NEK7: variants seen among roughly 807,000 people sequenced by gnomAD.
The protein encoded by NEK7 is NIMA related kinase 7.
A neutral mutation model predicts 44.6 loss-of-function variants in NEK7; 18 were observed. That is an observed-to-expected ratio of 0.40 (90% CI 0.28 to 0.60). NEK7 has a LOEUF of 0.60. Ranked by LOEUF, NEK7 falls within the 20% of genes least tolerant of loss-of-function variation. The pLI is 0.38. For missense variants in NEK7, 256 were observed against 366.5 expected, an observed-to-expected ratio of 0.70 and a Z score of 2.46; for synonymous variants, 130 against 121.1, an observed-to-expected ratio of 1.07 and a Z score of -0.48.
At chr1:198,252,637 T>A (rs1653095529) in intron 2 of NEK7, among the ~76,000 whole-genome samples, 2 of 143,380 alleles carry the variant, frequency 1.4e-5, no homozygotes, top group South Asian at 4.3e-4. Flanking sequence ...GTATGTTTTA[T>A]ATATTAAAAC....
intron 2 of NEK7, among the ~76,000 whole-genome samples, chr1:198,245,622 G>T (rs1666815333): frequency 6.6e-6 from 1 of 152,238 alleles, no homozygotes; most frequent in African/African-American, 2.4e-5. Flanking sequence ...GCAGCTGATG[G>T]AGGGGGCCAT....
intron 7 of NEK7, among the ~76,000 whole-genome samples, chr1:198,287,078 G>C (rs6682800): frequency 0.14 from 21,042 of 152,210 alleles, 2,142 homozygotes; most frequent in East Asian, 0.58. Flanking sequence ...ATTTCTGCCT[G>C]TAACGCCATT....
intron 1 of NEK7, among the ~76,000 whole-genome samples, chr1:198,215,026 T>C (rs913319677): frequency 1.3e-5 from 2 of 152,190 alleles, no homozygotes; most frequent in African/African-American, 4.8e-5. Context: ...TTCCTATCTT[T>C]AGTCTCCTTA....
chr1:198,225,463 G>T (rs918603737), intron 1 of NEK7, among the ~76,000 whole-genome samples: 2 of 152,076 alleles, frequency 1.3e-5, no homozygotes, highest in African/African-American at 4.8e-5. Context: ...GCAGTAGCCT[G>T]TTAACTGGCT....
At chr1:198,261,751 G>T (rs996295625) in intron 3 of NEK7, among the ~76,000 whole-genome samples, 2 of 151,814 alleles carry the variant, frequency 1.3e-5, no homozygotes, top group African/African-American at 4.8e-5. Context: ...AGAGACACAT[G>T]AAATATCTTT....
chr1:198,164,679 A>C (rs1664212783), intron 1 of NEK7, among the ~76,000 whole-genome samples: 1 of 152,166 alleles, frequency 6.6e-6, no homozygotes, highest in South Asian at 2.1e-4. Flanking sequence ...AGCAGTTCAT[A>C]ATATTTTTGC....
chr1:198,186,691 G>A (rs1158743122), intron 1 of NEK7, among the ~76,000 whole-genome samples: 1 of 152,150 alleles, frequency 6.6e-6, no homozygotes, highest in Non-Finnish European at 1.5e-5. Flanking sequence ...CACCCCATCA[G>A]CAATTCAGAT....
In NEK7 at chr1:198,315,674, A is replaced by T. The variant is rs1655348071; in HGVS notation, c.799-3738A>T. Among the ~76,000 whole-genome samples, 2 of 152,198 alleles carry T rather than the reference A, an allele frequency of 1.3e-5. 1 individual carries two copies. Among genetic ancestry groups the T allele is most frequent in the South Asian group, 4.1e-4 (2 of 4,830 alleles). On this transcript the variant is annotated intron_variant, in intron 9 of 9. Transcript: ENST00000367385. ...GTTTAAGGAGCCTGAGACCAATAGG[A>T]CTGGTTGCTGACGGTTAGGCAGGTG...
At position 198,173,851 on chromosome 1, in the gene NEK7, T is replaced by G. The variant is rs1664524522; in HGVS notation, c.-29+16575T>G. Among the ~76,000 whole-genome samples the G allele has an allele frequency of 1.3e-5, 2 of 152,236 alleles. 1 individual carries two copies. The highest frequency in any genetic ancestry group is 4.1e-4 in the South Asian group (2 of 4,836). On this transcript the variant is annotated intron_variant, in intron 1 of 9. Coordinates refer to ENST00000367385, the MANE Select transcript of NEK7 (RefSeq NM_133494.3). ...TAGCTTTATCAGCATAACATTATGT[T>G]ATTCCTGCTTTTAATTTTTCTTATT...
chr1:198,188,403 G>A lies in NEK7; in HGVS notation c.-29+31127G>A, dbSNP rs115295047. Among the ~76,000 whole-genome samples the A allele has an allele frequency of 3.6e-3, 541 of 152,294 alleles. 2 individuals are homozygous for A. Among genetic ancestry groups the A allele is most frequent in the African/African-American group, 0.012 (495 of 41,568 alleles). On this transcript the variant is annotated intron_variant, in intron 1 of 9. Transcript: ENST00000367385. ...ACCAGTTTTCTTGCCTATAAGTTCAGTGGAGAGAAGTGATGGCCCTTCATG... is the reference window on the plus strand; with the variant it reads ...ACCAGTTTTCTTGCCTATAAGTTCAATGGAGAGAAGTGATGGCCCTTCATG...
chr1:198,301,286 C>T (rs12091828), intron 9 of NEK7, among the ~76,000 whole-genome samples: 22,340 of 152,238 alleles, frequency 0.15, 1,874 homozygotes, highest in East Asian at 0.4. Flanking sequence ...CGCTGTGGCT[C>T]ACGCCTGTAG....
At chr1:198,259,901 A>G (rs1653399498) in intron 3 of NEK7, among the ~76,000 whole-genome samples, 1 of 152,238 alleles carries the variant, frequency 6.6e-6, no homozygotes, top group South Asian at 2.1e-4. Flanking sequence ...CCAGCCAGCC[A>G]TGCTCACCCC....
chr1:198,205,422 C>T (rs527326794), intron 1 of NEK7, among the ~76,000 whole-genome samples: 167 of 152,206 alleles, frequency 1.1e-3, no homozygotes, highest in Non-Finnish European at 1.8e-3. Flanking sequence ...TTCAGACTTA[C>T]CTAATCATAA....
At chr1:198,257,440 A>G (rs1315106702) in intron 3 of NEK7, among the ~76,000 whole-genome samples, 1 of 152,198 alleles carries the variant, frequency 6.6e-6, no homozygotes, top group Non-Finnish European at 1.5e-5. Flanking sequence ...ATATGATCAG[A>G]AATTTGTGGA....
intron 1 of NEK7, among the ~76,000 whole-genome samples, chr1:198,218,341 T>C (rs1190532129): frequency 1.3e-5 from 2 of 152,030 alleles, no homozygotes; most frequent in Admixed American, 6.6e-5. Flanking sequence ...ATTTGATAAA[T>C]GGCGCTGGGA....
intron 1 of NEK7, among the ~76,000 whole-genome samples, chr1:198,172,173 C>T (rs1336756160): frequency 6.6e-6 from 1 of 152,074 alleles, no homozygotes; most frequent in African/African-American, 2.4e-5. Context: ...CTAGGTTAGC[C>T]CACAGTGTTT....
rs191347826 is a variant in NEK7, at chr1:198,278,087, A to G, written c.481+18A>G. ...GCATAGAGGTAAGATAAAATCATTA[A>G]GTACTTTTAATCTTGTTTTAAATGA... On this transcript the variant is annotated intron_variant, in intron 6 of 9. Coordinates refer to ENST00000367385, the MANE Select transcript of NEK7 (RefSeq NM_133494.3). 9,001 of 1,283,508 alleles carry G rather than the reference A, an allele frequency of 7.0e-3. 51 individuals are homozygous for G. The highest frequency in any genetic ancestry group is 8.4e-3 in the Non-Finnish European group (7,411 of 884,764). The allele number at this position is 1,283,508 out of a possible 1,614,324, so 79.5% of individuals were successfully genotyped here.
At chr1:198,158,036 T>C (rs1663967629) in intron 1 of NEK7, among the ~76,000 whole-genome samples, 1 of 152,178 alleles carries the variant, frequency 6.6e-6, no homozygotes, top group Admixed American at 6.5e-5. Context: ...GATGCTGCCT[T>C]GAGAGCTAAA....
chr1:198,269,010 A>G (rs979159345), intron 5 of NEK7, among the ~76,000 whole-genome samples: 4 of 152,094 alleles, frequency 2.6e-5, no homozygotes, highest in African/African-American at 9.7e-5. Context: ...ACTTTATGGT[A>G]TAAGTGCTCC....
Sources: gnomAD v4.1 joint callset for allele counts (sites outside exome capture counted in the v4.1 genomes callset) on GRCh38, gnomAD v4.1.1 for gene constraint, MANE v1.5 for transcripts, NCBI Gene and HGNC (gene_info 2026-07-23, HGNC 2026-07-21) for gene names.